SLC4A7: variants seen among roughly 807,000 people sequenced by gnomAD.
SLC4A7 encodes the protein solute carrier family 4 member 7.
Under a neutral mutation model 137.6 loss-of-function variants are expected in SLC4A7, and 51 were observed. That is an observed-to-expected ratio of 0.37 (90% confidence interval 0.30 to 0.47). The LOEUF is 0.47. Among genes scored for constraint, SLC4A7 ranks in the 20% least tolerant of loss-of-function variants. The pLI, the probability that SLC4A7 is intolerant of heterozygous loss-of-function variation, is 1.00. For missense variants in SLC4A7, 1,247 were observed against 1,525.4 expected (o/e 0.82, Z 3.04); for synonymous variants, 542 against 518.6 (o/e 1.05, Z -0.61).
In SLC4A7 at chr3:27,372,888, A is replaced by T. The variant is rs756593212; in HGVS notation, c.*3876T>A. 1 of 152,610 alleles carries T rather than the reference A, an allele frequency of 6.6e-6. No individual in the cohort carries two copies. Among genetic ancestry groups the T allele is most frequent in the Non-Finnish European group, 1.5e-5 (1 of 68,030 alleles). 9.5% of individuals were successfully genotyped at this position (152,610 alleles called of 1,614,324 possible). The stretch of plus-strand genomic sequence containing the variant: ...TGAAAAATATCAGTTCTACAATTTA[A>T]ATGTTTACTTTGGATTTTATTATAG... On this transcript the variant is annotated 3_prime_UTR_variant, in exon 26 of 26. Transcript: ENST00000454389.
Position 27,431,567 on chromosome 3 carries a change from A to T in SLC4A7, c.881T>A (p.Leu294His), listed in dbSNP as rs748011867. 6.2e-7 allele frequency: 1 copy of T among 1,614,036 alleles called. No individual in the cohort carries two copies. The highest frequency in any genetic ancestry group is 8.5e-7 in the Non-Finnish European group (1 of 1,180,016). The change falls in exon 7 of 26, where the codon CTT becomes CAT. Residue 294 changes from leucine (L) to histidine (H), a missense_variant. Physicochemically the swap from Leu to His is moderately conservative, Grantham distance 99. Transcript: ENST00000454389. ...ESPLSLLLGH[L>H]LPSSRAGTPA... Reference sequence around the variant, plus strand: ...GGTTCCAGCTCTTGAAGAAGGAAGAAGATGACCAAGAAGAAGAGATAAAGG... The same window carrying T: ...GGTTCCAGCTCTTGAAGAAGGAAGATGATGACCAAGAAGAAGAGATAAAGG...
intron 1 of SLC4A7, among the ~76,000 whole-genome samples, chr3:27,464,699 A>C (rs1339928902): frequency 6.6e-6 from 1 of 152,226 alleles, no homozygotes; most frequent in East Asian, 1.9e-4. Context: ...TCTCAAAAAA[A>C]AAAGCCAGCC....
intron 1 of SLC4A7, among the ~76,000 whole-genome samples, chr3:27,470,428 A>C (rs971099878): frequency 6.6e-6 from 1 of 152,052 alleles, no homozygotes; most frequent in Non-Finnish European, 1.5e-5. Flanking sequence ...TTAATTTATA[A>C]GCCAAATAAC....
At chr3:27,448,491 T>C (rs1427250598) in intron 3 of SLC4A7, among the ~76,000 whole-genome samples, 160 bp downstream of exon 3, 1 of 151,938 alleles carries the variant, frequency 6.6e-6, no homozygotes. Flanking sequence ...AAAAAAAAAT[T>C]ATTACTTCAA....
rs558897246 is a variant in SLC4A7 at position 27,432,744 on chromosome 3, T to A, written c.779-1075A>T. On this transcript the variant is annotated intron_variant, in intron 6 of 25. Transcript: ENST00000454389. Reference sequence around the variant, plus strand: ...ATGGCATTTAAAAGAAAACAGTCAATGTCTTCTGATGAGCAAATTACAATT... The same window carrying A: ...ATGGCATTTAAAAGAAAACAGTCAAAGTCTTCTGATGAGCAAATTACAATT... Among the ~76,000 whole-genome samples the A allele has an allele frequency of 2.2e-4, 34 of 152,304 alleles. 1 individual carries two copies. Among genetic ancestry groups the A allele is most frequent in the Admixed American group, 2.0e-4 (3 of 15,298 alleles).
intron 16 of SLC4A7, among the ~76,000 whole-genome samples, chr3:27,398,697 T>A (rs761500484): frequency 5.9e-5 from 9 of 152,230 alleles, no homozygotes; most frequent in Non-Finnish European, 1.2e-4. Flanking sequence ...TCTTCTGCAT[T>A]CTTGCTTGTC....
chr3:27,458,574 T>C (rs536221101), intron 1 of SLC4A7, among the ~76,000 whole-genome samples: 2 of 152,316 alleles, frequency 1.3e-5, no homozygotes, highest in African/African-American at 4.8e-5. Flanking sequence ...GTATGATATA[T>C]ACTTGGCAAA....
chr3:27,475,619 A>G (rs769146797), intron 1 of SLC4A7, among the ~76,000 whole-genome samples: 3 of 152,198 alleles, frequency 2.0e-5, no homozygotes, highest in Non-Finnish European at 4.4e-5. Context: ...ATGAAGGCCA[A>G]TTTTAGACTG....
At chr3:27,483,582 T>G (rs911442816) in intron 1 of SLC4A7, among the ~76,000 whole-genome samples, 2 of 152,110 alleles carry the variant, frequency 1.3e-5, no homozygotes, top group Non-Finnish European at 2.9e-5. Context: ...TTCAACCAGC[T>G]CTTCACCACT....
chr3:27,387,493 A>T (rs752714929), intron 22 of SLC4A7, among the ~76,000 whole-genome samples: 4 of 152,202 alleles, frequency 2.6e-5, no homozygotes, highest in Non-Finnish European at 4.4e-5. Context: ...CAACACATAC[A>T]TTCAGATAAA....
intron 13 of SLC4A7, among the ~76,000 whole-genome samples, chr3:27,407,920 C>T (rs755010920): frequency 5.9e-4 from 90 of 152,296 alleles, no homozygotes; most frequent in Middle Eastern, 3.4e-3. Context: ...CCACTCTACA[C>T]ACTCTGGGAC....
chr3:27,454,518 C>T (rs1307887505), intron 1 of SLC4A7, among the ~76,000 whole-genome samples: 3 of 152,094 alleles, frequency 2.0e-5, no homozygotes, highest in African/African-American at 7.2e-5. Flanking sequence ...TTAATCAAGC[C>T]GCCTTACAGC....
At chr3:27,479,086 A>G (rs1433652277) in intron 1 of SLC4A7, among the ~76,000 whole-genome samples, 3 of 152,104 alleles carry the variant, frequency 2.0e-5, no homozygotes, top group Non-Finnish European at 4.4e-5. Flanking sequence ...GCAAATCTAT[A>G]TTATGAACAC....
At chr3:27,378,233 T>C (rs1006738678) in intron 25 of SLC4A7, among the ~76,000 whole-genome samples, 1 of 152,104 alleles carries the variant, frequency 6.6e-6, no homozygotes. Flanking sequence ...AAAAAGGTTC[T>C]AAAAGAGGGT....
chr3:27,411,665 C>T lies in SLC4A7; in HGVS notation c.1743G>A (p.Gly581=). ...ACCGTCCAGTCCTCTGTAGCTCAGG[C>T]CCAGCATGATGAGCGGCCTCTTTAG... The part of the protein sequence containing the change: ...ETPKEAAHHA[G]PELQRTGRLF... Residue 581 remains glycine, a synonymous_variant, in exon 12 of 26, where the codon GGG becomes GGA. Transcript: ENST00000454389. 6.4e-7 allele frequency: 1 copy of T among 1,560,902 alleles called. No homozygotes were observed. The highest frequency in any genetic ancestry group is 8.7e-7 in the Non-Finnish European group (1 of 1,149,798).
intron 22 of SLC4A7, 145 bp downstream of exon 22, chr3:27,389,786 C>G: frequency 1.7e-6 from 1 of 594,742 alleles, no homozygotes; most frequent in Non-Finnish European, 2.8e-6. Flanking sequence ...TGCTTTGTAT[C>G]TAGTAACAGC....
intron 5 of SLC4A7, among the ~76,000 whole-genome samples, chr3:27,435,912 A>G (rs1372827963): frequency 2.0e-5 from 3 of 152,170 alleles, no homozygotes; most frequent in Non-Finnish European, 2.9e-5. Context: ...TGGGTTTCCC[A>G]ACATACCTCC....
At chr3:27,482,670 G>GCTGAGGCGGGAGAAT (rs2059764378) in intron 1 of SLC4A7, among the ~76,000 whole-genome samples, 2 of 152,178 alleles carry the variant, frequency 1.3e-5, no homozygotes, top group Non-Finnish European at 2.9e-5. Flanking sequence ...TACTCCGGAG[G>GCTGAGGCGGGAGAAT]CTGAGGCGGG....
chr3:27,448,613 G>A, intron 3 of SLC4A7, 38 bp downstream of exon 3: 1 of 1,541,960 alleles, frequency 6.5e-7, no homozygotes, highest in Middle Eastern at 1.7e-4. Flanking sequence ...AGGAAAATAG[G>A]AACTTTAAAC....
Sources: allele counts gnomAD v4.1 joint callset (sites outside exome capture counted in the v4.1 genomes callset), GRCh38; gene constraint gnomAD v4.1.1; transcripts MANE v1.5; gene names NCBI Gene and HGNC (gene_info 2026-07-23, HGNC 2026-07-21).